Variants in SLC36A3 observed in about 807,000 individuals in gnomAD.
SLC36A3 encodes the protein solute carrier family 36 member 3, also known as proton-coupled amino acid transporter 3.
SLC36A3 carries 35 observed loss-of-function variants against 44.3 expected under a neutral mutation model. The observed-to-expected ratio is 0.79, with a 90% CI of 0.60 to 1.05. The LOEUF (loss-of-function observed/expected upper bound fraction) is 1.05, where lower values mean the gene tolerates loss of function less well. Ranked by LOEUF, SLC36A3 falls within the 50% of genes least tolerant of loss-of-function variation. SLC36A3 has a pLI of 0.00. For synonymous variants in SLC36A3, 211 were observed against 227.6 expected (o/e 0.93, Z 0.66); for missense variants, 540 against 578.7 (o/e 0.93, Z 0.69).
rs1252941009 is a variant in SLC36A3 at position 151,303,173 on chromosome 5, T to C, written c.128+54A>G. 12 of 1,572,802 alleles carry C rather than the reference T, an allele frequency of 7.6e-6. No homozygotes were observed. The African/African-American group carries it at 1.5e-4, about 19-fold the overall frequency. On this transcript the variant is annotated intron_variant, in intron 1 of 9. Coordinates refer to ENST00000335230, the MANE Select transcript of SLC36A3 (RefSeq NM_181774.4). The stretch of plus-strand genomic sequence containing the variant: ...GATGAAGGAAGACATAGTCCAGAGT[T>C]GCAAAAACAGCAGTGCTTGACCTCA...
In SLC36A3 at chr5:151,296,249, A is replaced by G; in HGVS notation, c.239T>C (p.Leu80Pro). ...GTGCACGGTGAGGACCCCGATGGCCAGAAGGCTGACAGGACCGACCTGGAG... is the reference window on the plus strand; with the variant it reads ...GTGCACGGTGAGGACCCCGATGGCCGGAAGGCTGACAGGACCGACCTGGAG... ...AGLLVGPVSL[L>P]AIGVLTVHCM... The change falls in exon 3 of 10, where the codon CTG becomes CCG. Residue 80 changes from leucine (L) to proline (P), a missense_variant. Coordinates refer to ENST00000335230, the MANE Select transcript of SLC36A3 (RefSeq NM_181774.4). 6.2e-7 allele frequency: 1 copy of G among 1,614,198 alleles called. No homozygotes were observed. Among genetic ancestry groups the G allele is most frequent in the Non-Finnish European group, 8.5e-7 (1 of 1,180,018 alleles).
chr5:151,290,498 C>A (rs1015420146), intron 4 of SLC36A3, among the ~76,000 whole-genome samples: 9 of 152,172 alleles, frequency 5.9e-5, no homozygotes, highest in African/African-American at 2.2e-4. Flanking sequence ...CAACAATGAA[C>A]TTTTTGCCAC....
chr5:151,277,738 C>G, intron 9 of SLC36A3, 77 bp from the exon 10 acceptor site: 1 of 1,522,502 alleles, frequency 6.6e-7, no homozygotes, highest in African/African-American at 1.4e-5. Context: ...TAGAATTTCA[C>G]AGACACCTGA....
chr5:151,278,498 G>A (rs1754187487), intron 9 of SLC36A3, among the ~76,000 whole-genome samples: 1 of 152,156 alleles, frequency 6.6e-6, no homozygotes, highest in African/African-American at 2.4e-5. Flanking sequence ...TGTGTATGTA[G>A]TTTGGGGGTA....
At position 151,284,666 on chromosome 5, in the gene SLC36A3, T is replaced by C; in HGVS notation, c.754A>G (p.Thr252Ala). Residue 252 changes from threonine to alanine, a missense_variant, in exon 7 of 10, where the codon ACC becomes GCC. By Grantham distance (58) the Thr-to-Ala change is moderately conservative. Transcript: ENST00000335230. ...GCTGTACCAAAGAACAGCAAGAAGG[T>C]CTTCCAGTTTGCCATCAAGGGTAGG... ...SNLPLMANWKTFLLFFGTAIF... is the reference protein window; with the variant it reads ...SNLPLMANWKAFLLFFGTAIF... 6 of 1,613,446 alleles carry C rather than the reference T, an allele frequency of 3.7e-6. No homozygotes were observed. Among genetic ancestry groups the C allele is most frequent in the Non-Finnish European group, 5.1e-6 (6 of 1,179,552 alleles).
rs1035811918 is a variant in SLC36A3 at position 151,302,701 on chromosome 5, C to T, written c.128+526G>A. Among the ~76,000 whole-genome samples the T allele has an allele frequency of 3.3e-5, 5 of 151,800 alleles. No individual in the cohort carries two copies. The South Asian group carries it at 8.4e-4, about 25-fold the overall frequency. On this transcript the variant is annotated intron_variant, in intron 1 of 9. Transcript: ENST00000335230. ...CACACGTTTACCTATGTAACAAACC[C>T]GCATGTCCTGTACATGTATCCTGGA... is the stretch of plus-strand genomic sequence containing the variant.
chr5:151,284,217 G>A lies in SLC36A3; in HGVS notation c.808-7C>T. 2.5e-6 allele frequency: 4 copies of A among 1,587,040 alleles called. No individual in the cohort carries two copies. Among genetic ancestry groups the A allele is most frequent in the Non-Finnish European group, 3.4e-6 (4 of 1,171,976 alleles). ...GGTTTTTGAGAGGCAGAACCTGGAG[G>A]GAAAAAAAAAAGTTGGGAAAGAAAA... On this transcript the variant is annotated splice_region_variant and splice_polypyrimidine_tract_variant and intron_variant, in intron 7 of 9. Coordinates refer to ENST00000335230, the MANE Select transcript of SLC36A3 (RefSeq NM_181774.4).
intron 1 of SLC36A3, among the ~76,000 whole-genome samples, chr5:151,299,254 C>CTA (rs1333895300): frequency 1.9e-3 from 166 of 87,084 alleles, no homozygotes; most frequent in Non-Finnish European, 2.2e-3. Context: ...CTCTCTCTCT[C>CTA]TCTCTCTCTC....
At chr5:151,297,831 C>T (rs569233849) in intron 2 of SLC36A3, 21 of 152,338 alleles carry the variant, frequency 1.4e-4, no homozygotes, top group African/African-American at 2.9e-4. Flanking sequence ...CGTGGTGGCT[C>T]ACACCTGTAA....
chr5:151,284,959 G>A (rs1286537859), intron 6 of SLC36A3, among the ~76,000 whole-genome samples: 3 of 152,102 alleles, frequency 2.0e-5, no homozygotes, highest in African/African-American at 7.2e-5. Flanking sequence ...GAACATTCAC[G>A]TTGTTGTGTA....
At chr5:151,280,451 CT>C (rs1165924174) in intron 9 of SLC36A3, among the ~76,000 whole-genome samples, 1 of 152,140 alleles carries the variant, frequency 6.6e-6, no homozygotes, top group Non-Finnish European at 1.5e-5. Flanking sequence ...GAGACTCTGT[CT>C]CAAATAAATA....
chr5:151,290,341 G>A (rs1754710181), intron 4 of SLC36A3, among the ~76,000 whole-genome samples: 1 of 152,176 alleles, frequency 6.6e-6, no homozygotes, highest in Non-Finnish European at 1.5e-5. Context: ...AATCTTGGCA[G>A]TGTCACATGT....
Position 151,277,298 on chromosome 5 carries a change from A to G in SLC36A3, c.*95T>C, listed in dbSNP as rs1754122686. On this transcript the variant is annotated 3_prime_UTR_variant, in exon 10 of 10. Transcript: ENST00000335230. ...AGATAAAGACGCCACTAATTAATAT[A>G]GAGATGTTGGGATTTGATGAAGGTA... is the stretch of plus-strand genomic sequence containing the variant. 2.1e-6 allele frequency: 3 copies of G among 1,462,600 alleles called. No individual in the cohort carries two copies. The African/African-American group carries it at 4.2e-5, about 21-fold the overall frequency. 90.6% of individuals were successfully genotyped at this position (1,462,600 alleles called of 1,614,324 possible).
At chr5:151,295,936 G>A (rs996014138) in intron 3 of SLC36A3, among the ~76,000 whole-genome samples, 3 of 152,204 alleles carry the variant, frequency 2.0e-5, no homozygotes, top group African/African-American at 7.2e-5. Context: ...CAGTTAAGGA[G>A]ATCTGGGCTC....
Position 151,281,103 on chromosome 5 carries a change from A to T in SLC36A3, c.1055T>A (p.Ile352Asn). 1.2e-6 allele frequency: 2 copies of T among 1,614,168 alleles called. No homozygotes were observed. Among genetic ancestry groups the T allele is most frequent in the Non-Finnish European group, 1.7e-6 (2 of 1,180,022 alleles). Reference sequence around the variant, plus strand: ...TTGGGAGATGGCAAACGGGATGATGATCTCAGCTGGGACGTGGAACTGGAG... The same window carrying T: ...TTGGGAGATGGCAAACGGGATGATGTTCTCAGCTGGGACGTGGAACTGGAG... Reference protein sequence around the residue: ...YALQFHVPAEIIIPFAISQVS... With the variant: ...YALQFHVPAENIIPFAISQVS... Residue 352 changes from isoleucine (I) to asparagine (N), a missense_variant, in exon 9 of 10, where the codon ATC becomes AAC. Coordinates refer to ENST00000335230, the MANE Select transcript of SLC36A3 (RefSeq NM_181774.4).
At chr5:151,285,393 G>T (rs1754497966) in intron 6 of SLC36A3, among the ~76,000 whole-genome samples, 1 of 152,188 alleles carries the variant, frequency 6.6e-6, no homozygotes, top group East Asian at 1.9e-4. Context: ...ATTGCCCAAG[G>T]TCACTATGCA....
intron 4 of SLC36A3, among the ~76,000 whole-genome samples, chr5:151,289,803 G>A (rs1754688929): frequency 6.6e-6 from 1 of 152,142 alleles, no homozygotes; most frequent in Non-Finnish European, 1.5e-5. Context: ...CATATTGGGA[G>A]GCACATGATA....
chr5:151,291,681 G>A (rs1754762086), intron 4 of SLC36A3, among the ~76,000 whole-genome samples: 1 of 152,024 alleles, frequency 6.6e-6, no homozygotes, highest in Non-Finnish European at 1.5e-5. Context: ...CCTACTGTGG[G>A]CTATTATGAG....
Position 151,293,399 on chromosome 5 carries a change from C to T in SLC36A3, c.369G>A (p.Pro123=), listed in dbSNP as rs200522459. The change falls in exon 4 of 10, where the codon CCG becomes CCA. Residue 123 remains proline, a synonymous_variant. Coordinates refer to ENST00000335230, the MANE Select transcript of SLC36A3 (RefSeq NM_181774.4). ...CTGCATGGGCCCTCAGCCAGGTGTT[C>T]GGGCAGGTTTCAAGGCCGTACATCG... The part of the protein sequence containing the change: ...EATMYGLETC[P]NTWLRAHAVW... 106 of 1,613,712 alleles carry T rather than the reference C, an allele frequency of 6.6e-5. No individual in the cohort carries two copies. Among genetic ancestry groups the T allele is most frequent in the South Asian group, 9.9e-5 (9 of 90,944 alleles).
Sources: allele counts gnomAD v4.1 joint callset (sites outside exome capture counted in the v4.1 genomes callset), GRCh38; gene constraint gnomAD v4.1.1; transcripts MANE v1.5; gene names NCBI Gene and HGNC (gene_info 2026-07-23, HGNC 2026-07-21).